The following CPQ variants were observed in gnomAD, a reference collection of about 807,000 sequenced individuals.
CPQ encodes the protein carboxypeptidase Q, also known as Ser-Met dipeptidase.
Under a neutral mutation model 45.7 loss-of-function variants are expected in CPQ, and 37 were observed. The ratio of observed to expected loss-of-function variants is 0.81; its 90% CI spans 0.62 to 1.07. CPQ has a LOEUF of 1.07. Ranked by LOEUF, CPQ falls within the 50% of genes least tolerant of loss-of-function variation. The pLI is 0.00. For missense variants in CPQ, 537 were observed against 572.9 expected (o/e 0.94, Z 0.64); for synonymous variants, 186 against 205.8 (o/e 0.90, Z 0.82).
At chr8:96,708,422 T>A (rs1264458649) in intron 1 of CPQ, among the ~76,000 whole-genome samples, 5 of 69,476 alleles carry the variant, frequency 7.2e-5, no homozygotes, top group Non-Finnish European at 1.4e-4. Context: ...AAGCCATATG[T>A]GTGTGTGTGT....
chr8:96,837,620 C>T (rs1314453174), intron 3 of CPQ, among the ~76,000 whole-genome samples: 1 of 152,138 alleles, frequency 6.6e-6, no homozygotes. Flanking sequence ...GCGGTTCATA[C>T]TTGTGAAGAT....
intron 7 of CPQ, among the ~76,000 whole-genome samples, chr8:97,129,303 A>G (rs957055224): frequency 6.6e-6 from 1 of 152,126 alleles, no homozygotes; most frequent in Non-Finnish European, 1.5e-5. Context: ...CCCTAAGATG[A>G]GTAAATATGA....
At chr8:96,832,940 G>A (rs1432396090) in intron 2 of CPQ, among the ~76,000 whole-genome samples, 1 of 152,106 alleles carries the variant, frequency 6.6e-6, no homozygotes, top group African/African-American at 2.4e-5. Context: ...GCTGGAGGCT[G>A]GCACACCGGT....
At chr8:97,084,496 T>C (rs965713394) in intron 7 of CPQ, among the ~76,000 whole-genome samples, 11 of 152,158 alleles carry the variant, frequency 7.2e-5, no homozygotes, top group African/African-American at 2.7e-4. Flanking sequence ...GAATGCCACA[T>C]TCATCAAATC....
chr8:96,709,783 C>T (rs1323259695), intron 1 of CPQ, among the ~76,000 whole-genome samples: 1 of 152,138 alleles, frequency 6.6e-6, no homozygotes, highest in African/African-American at 2.4e-5. Flanking sequence ...ATTCGATTTG[C>T]TAGTACTTTG....
intron 1 of CPQ, among the ~76,000 whole-genome samples, chr8:96,723,908 G>A (rs1223561995): frequency 2.0e-5 from 3 of 151,788 alleles, no homozygotes; most frequent in Non-Finnish European, 2.9e-5. Context: ...GATTCCGAAG[G>A]GCATTTTCAG....
At chr8:96,884,563 A>G (rs1271920069) in intron 4 of CPQ, among the ~76,000 whole-genome samples, 3 of 152,192 alleles carry the variant, frequency 2.0e-5, no homozygotes, top group African/African-American at 4.8e-5. Context: ...GGGTTAGATA[A>G]GAGGCAGTTA....
chr8:97,062,975 T>TC (rs1430428940), intron 6 of CPQ, among the ~76,000 whole-genome samples: 3 of 152,036 alleles, frequency 2.0e-5, no homozygotes. Flanking sequence ...GATTTCTATT[T>TC]CCCCTTAACT....
intron 1 of CPQ, among the ~76,000 whole-genome samples, chr8:96,752,223 A>T (rs1009746921): frequency 6.6e-6 from 1 of 152,158 alleles, no homozygotes; most frequent in Non-Finnish European, 1.5e-5. Context: ...TTTGGGCAGT[A>T]TGACCATTTT....
rs187893218 is a variant in CPQ, at chr8:96,797,817, C to T, written c.433+12487C>T. ...CTGTAATCCCAGCACTTTGGGAGGCCGAGGCAGGTGGATCACGAGGTCAGG... is the reference window on the plus strand; with the variant it reads ...CTGTAATCCCAGCACTTTGGGAGGCTGAGGCAGGTGGATCACGAGGTCAGG... On this transcript the variant is annotated intron_variant, in intron 2 of 7. Coordinates refer to ENST00000220763, the MANE Select transcript of CPQ (RefSeq NM_016134.4). 2.4e-3 allele frequency among the ~76,000 whole-genome samples: 364 copies of T among 152,002 alleles called. 4 individuals are homozygous for T. Among genetic ancestry groups the T allele is most frequent in the African/African-American group, 8.2e-3 (342 of 41,458 alleles).
chr8:96,942,110 T>C (rs181723534), intron 4 of CPQ, among the ~76,000 whole-genome samples: 47 of 152,344 alleles, frequency 3.1e-4, no homozygotes, highest in African/African-American at 1.1e-3. Flanking sequence ...TCCTCATTCA[T>C]AACTTAGAGA....
intron 1 of CPQ, among the ~76,000 whole-genome samples, chr8:96,730,112 A>G (rs1218518356): frequency 6.6e-6 from 1 of 152,238 alleles, no homozygotes; most frequent in Non-Finnish European, 1.5e-5. Context: ...GCTTCCCAGC[A>G]GGGCTGACAG....
intron 1 of CPQ, among the ~76,000 whole-genome samples, chr8:96,715,777 T>C (rs757575008): frequency 2.6e-5 from 4 of 152,172 alleles, no homozygotes; most frequent in Non-Finnish European, 4.4e-5. Context: ...CTTGATGTGG[T>C]GCAGTCCCCC....
At chr8:96,866,526 G>A (rs1018732400) in intron 3 of CPQ, among the ~76,000 whole-genome samples, 1 of 151,984 alleles carries the variant, frequency 6.6e-6, no homozygotes, top group South Asian at 2.1e-4. Flanking sequence ...ATATTTGATA[G>A]CATTTTTGTA....
intron 4 of CPQ, among the ~76,000 whole-genome samples, chr8:96,962,057 G>A (rs758991909): frequency 6.6e-5 from 10 of 152,176 alleles, no homozygotes; most frequent in Non-Finnish European, 1.2e-4. Flanking sequence ...TGGCCTGCAG[G>A]TGGATGTATG....
rs776450014 is a variant in CPQ, at chr8:96,947,598, AAAACAAAC to A, written c.850-18317_850-18310del. 9.2e-5 allele frequency among the ~76,000 whole-genome samples: 14 copies of A among 152,182 alleles called. No homozygotes were observed. In the East Asian group the frequency reaches 9.6e-4, roughly 10 times the overall value. On this transcript the variant is annotated intron_variant, in intron 4 of 7. Coordinates refer to ENST00000220763, the MANE Select transcript of CPQ (RefSeq NM_016134.4). Reference sequence around the variant, plus strand: ...GAATTGTGTTTTCTATGCCTGTAAAAAAACAAACAAACAAACAAACAAACAAAAAACTG... The same window carrying A: ...GAATTGTGTTTTCTATGCCTGTAAAAAAACAAACAAACAAACAAAAAACTG...
At chr8:96,756,332 C>T (rs888509030) in intron 1 of CPQ, among the ~76,000 whole-genome samples, 1 of 152,052 alleles carries the variant, frequency 6.6e-6, no homozygotes, top group Non-Finnish European at 1.5e-5. Flanking sequence ...TTAGCATTCT[C>T]TATGTCTTCC....
intron 6 of CPQ, among the ~76,000 whole-genome samples, chr8:97,031,049 CAAG>C (rs1317743005): frequency 6.6e-6 from 1 of 151,974 alleles, no homozygotes; most frequent in Admixed American, 6.6e-5. Flanking sequence ...AGAGCCTGAA[CAAG>C]AAGAACATAT....
At chr8:97,116,012 G>A (rs180765772) in intron 7 of CPQ, among the ~76,000 whole-genome samples, 2 of 152,278 alleles carry the variant, frequency 1.3e-5, no homozygotes, top group East Asian at 1.9e-4. Flanking sequence ...CAAAATGGGT[G>A]AGGCTGACAG....
Sources: allele counts gnomAD v4.1 joint callset (sites outside exome capture counted in the v4.1 genomes callset), GRCh38; gene constraint gnomAD v4.1.1; transcripts MANE v1.5; gene names NCBI Gene and HGNC (gene_info 2026-07-23, HGNC 2026-07-21).